The following DMD variants were observed in gnomAD, a reference collection of about 807,000 sequenced individuals.
DMD encodes dystrophin.
In DMD, 63 loss-of-function variants were observed where a neutral mutation model predicts 330.1. The ratio of observed to expected loss-of-function variants is 0.19; its 90% confidence interval spans 0.16 to 0.24. DMD has a LOEUF of 0.24. Ranked by LOEUF, DMD falls within the 10% of genes least tolerant of loss-of-function variation. The probability of loss-of-function intolerance (pLI) is 1.00; values close to 1 mark genes in which losing one functional copy is unlikely to be tolerated. For synonymous variants in DMD, 1,223 were observed against 959.8 expected, an observed-to-expected ratio of 1.27 and a Z score of -5.07; for missense variants, 3,344 against 2,684.1, an observed-to-expected ratio of 1.25 and a Z score of -5.43.
At chrX:32,852,153 T>C (rs2081188628) in intron 2 of DMD, among the ~76,000 whole-genome samples, 2 of 111,043 alleles carry the variant, frequency 1.8e-5, no homozygotes, top group South Asian at 3.8e-4. Flanking sequence ...GAGGAGAGGA[T>C]AGGGACAGTA....
At chrX:31,813,538 G>C (rs1293448641) in intron 50 of DMD, among the ~76,000 whole-genome samples, 1 of 111,848 alleles carries the variant, frequency 8.9e-6, no homozygotes, top group African/African-American at 3.3e-5. Context: ...CTCTTCCTTC[G>C]CCTTCTGCCA....
intron 44 of DMD, chrX:32,155,258 G>C: frequency 4.5e-6 from 1 of 219,986 alleles, no homozygotes; most frequent in Non-Finnish European, 6.6e-6. Flanking sequence ...ACACGCTCCT[G>C]CATCAGAATA....
chrX:33,087,614 T>G (rs987225616), intron 1 of DMD, among the ~76,000 whole-genome samples: 1 of 111,351 alleles, frequency 9.0e-6, no homozygotes, highest in African/African-American at 3.3e-5. Context: ...ACTGTGGGGG[T>G]TTGAATCTTG....
intron 36 of DMD, 118 bp downstream of exon 36, chrX:32,364,460 TAAAG>T (rs1436291235): frequency 6.0e-6 from 5 of 839,742 alleles, no homozygotes; most frequent in Non-Finnish European, 8.7e-6. Context: ...AAGGGAAAGA[TAAAG>T]GAAGGAAGAA....
At chrX:32,916,902 A>C (rs1685282551) in intron 2 of DMD, among the ~76,000 whole-genome samples, 1 of 111,769 alleles carries the variant, frequency 8.9e-6, no homozygotes, top group African/African-American at 3.2e-5. Context: ...ATCACAAAGA[A>C]AGGAAGGATT....
chrX:32,803,836 C>T (rs1005482533), intron 7 of DMD, among the ~76,000 whole-genome samples: 1 of 111,886 alleles, frequency 8.9e-6, no homozygotes, highest in Non-Finnish European at 1.9e-5. Flanking sequence ...TTATGATTTT[C>T]ATTCTTTTGC....
intron 26 of DMD, among the ~76,000 whole-genome samples, chrX:32,450,408 T>C (rs748125403): frequency 9.0e-6 from 1 of 111,362 alleles, no homozygotes; most frequent in Non-Finnish European, 1.9e-5. Context: ...AGTTCAATAT[T>C]CTAAATAAAT....
At chrX:32,907,561 A>C (rs1462781570) in intron 2 of DMD, among the ~76,000 whole-genome samples, 1 of 111,586 alleles carries the variant, frequency 9.0e-6, no homozygotes, top group African/African-American at 3.3e-5. Context: ...TCTTCCTTCA[A>C]AATCATCAGA....
At chrX:31,218,351 G>T (rs2045624069) in intron 64 of DMD, among the ~76,000 whole-genome samples, 1 of 109,304 alleles carries the variant, frequency 9.1e-6, no homozygotes, top group Non-Finnish European at 1.9e-5. Flanking sequence ...AAGGAAAGCA[G>T]TAGCTCTGGG....
chrX:31,327,002 T>C (rs1216720079), intron 61 of DMD, among the ~76,000 whole-genome samples: 1 of 112,243 alleles, frequency 8.9e-6, no homozygotes, highest in Non-Finnish European at 1.9e-5. Context: ...CCATTTTTAG[T>C]AGCCCATCAA....
chrX:32,878,347 C>CA, intron 2 of DMD, among the ~76,000 whole-genome samples: 1 of 111,685 alleles, frequency 9.0e-6, no homozygotes, highest in Middle Eastern at 4.7e-3. Flanking sequence ...CACTGCACCC[C>CA]AGCCTGGGCG....
intron 2 of DMD, among the ~76,000 whole-genome samples, chrX:32,962,251 C>T (rs905081623): frequency 9.0e-6 from 1 of 111,588 alleles, no homozygotes; most frequent in East Asian, 2.8e-4. Context: ...TTAATGTATC[C>T]AAGACAACAT....
chrX:32,452,970 G>T (rs1403478574), intron 26 of DMD, among the ~76,000 whole-genome samples: 1 of 110,663 alleles, frequency 9.0e-6, no homozygotes, highest in Non-Finnish European at 1.9e-5. Flanking sequence ...TTTCCATAAA[G>T]ATTTTTTTAA....
At position 32,336,643 on chromosome X, in the gene DMD, G is replaced by A. The variant is rs1199198341; in HGVS notation, c.5922+5457C>T. 2.7e-5 allele frequency among the ~76,000 whole-genome samples: 3 copies of A among 111,477 alleles called. No individual in the cohort carries two copies. In the Admixed American group the frequency reaches 2.9e-4, roughly 11 times the overall value. On this transcript the variant is annotated intron_variant, in intron 41 of 78. Transcript: ENST00000357033. ...CCGAATTTGCATACATAAGTATAGG[G>A]AATATAAAACATTTATAACAGAAAC...
chrX:32,545,373 A>G (rs765927647), intron 16 of DMD, 39 bp from the exon 17 acceptor site: 16 of 1,170,141 alleles, frequency 1.4e-5, no homozygotes, highest in Non-Finnish European at 1.9e-5. Context: ...ACATTGCTAG[A>G]AAGACTTCAG....
chrX:32,851,980 A>G (rs1443269406), intron 2 of DMD, among the ~76,000 whole-genome samples: 1 of 111,314 alleles, frequency 9.0e-6, no homozygotes, highest in African/African-American at 3.3e-5. Flanking sequence ...AGTCTAGGCT[A>G]CAAAAACTGC....
chrX:32,535,778 C>A (rs778458583), intron 17 of DMD, among the ~76,000 whole-genome samples: 1 of 111,379 alleles, frequency 9.0e-6, no homozygotes, highest in East Asian at 2.8e-4. Context: ...CGCACAAAAC[C>A]TGGAAAATCC....
chrX:31,621,089 C>T (rs1014933472), intron 55 of DMD, among the ~76,000 whole-genome samples: 4 of 111,710 alleles, frequency 3.6e-5, no homozygotes, highest in Non-Finnish European at 7.5e-5. Flanking sequence ...AAATCAAACA[C>T]GTTCTTGACT....
intron 7 of DMD, among the ~76,000 whole-genome samples, chrX:32,779,155 T>C (rs371249334): frequency 1.8e-5 from 2 of 111,193 alleles, no homozygotes; most frequent in South Asian, 3.8e-4. Flanking sequence ...AATTATTTCA[T>C]CATTCCACTG....
Sources: gnomAD v4.1 joint callset for allele counts (sites outside exome capture counted in the v4.1 genomes callset) on GRCh38, gnomAD v4.1.1 for gene constraint, MANE v1.5 for transcripts, NCBI Gene and HGNC (gene_info 2026-07-23, HGNC 2026-07-21) for gene names.